The following CABIN1 variants were observed in gnomAD, a reference collection of about 807,000 sequenced individuals.
The protein encoded by CABIN1 is calcineurin-binding protein cabin-1.
CABIN1 carries 133 observed loss-of-function variants against 227.7 expected under a neutral mutation model. That is an observed-to-expected ratio of 0.58 (90% CI 0.51 to 0.67). CABIN1 has a LOEUF of 0.67. Ranked by LOEUF, CABIN1 falls within the 30% of genes least tolerant of loss-of-function variation. The pLI is 0.00. For missense variants in CABIN1, 2,408 were observed against 2,852.5 expected (o/e 0.84, Z 3.55); for synonymous variants, 1,086 against 1,155.1 (o/e 0.94, Z 1.21).
At chr22:24,032,654 T>G (rs993883036) in intron 1 of CABIN1, among the ~76,000 whole-genome samples, 3 of 152,256 alleles carry the variant, frequency 2.0e-5, no homozygotes, top group Non-Finnish European at 4.4e-5. Flanking sequence ...ACTTGTTATT[T>G]TCTGGCTTTA....
At chr22:24,035,327 C>T in intron 1 of CABIN1, 117 bp from the exon 2 acceptor site, 2 of 694,220 alleles carry the variant, frequency 2.9e-6, no homozygotes, top group Admixed American at 2.3e-5. Context: ...CAAGGCAGCT[C>T]TTCACTGGCC....
At chr22:24,083,155 C>G in intron 19 of CABIN1, 73 bp from the exon 20 acceptor site, 1 of 1,513,076 alleles carries the variant, frequency 6.6e-7, no homozygotes, top group Non-Finnish European at 9.2e-7. Context: ...GGTGGTTTCT[C>G]TGGGGCCCTG....
At chr22:24,084,476 C>A in intron 20 of CABIN1, 103 bp from the exon 21 acceptor site, 2 of 950,526 alleles carry the variant, frequency 2.1e-6, no homozygotes, top group Non-Finnish European at 3.5e-6. Context: ...TATGCCATAA[C>A]CTCATTTACA....
chr22:24,062,853 C>T, intron 13 of CABIN1, 106 bp from the exon 14 acceptor site: 1 of 1,078,980 alleles, frequency 9.3e-7, no homozygotes. Context: ...TTAGGGTGCC[C>T]CTGGAGATAG....
At chr22:24,118,813 T>C (rs2043232371) in intron 27 of CABIN1, among the ~76,000 whole-genome samples, 1 of 152,192 alleles carries the variant, frequency 6.6e-6, no homozygotes, top group Non-Finnish European at 1.5e-5. Context: ...CCATGGCCCC[T>C]GGTGGAGCAA....
chr22:24,166,557 G>C, intron 31 of CABIN1, 82 bp from the exon 32 acceptor site: 2 of 1,561,968 alleles, frequency 1.3e-6, no homozygotes, highest in Non-Finnish European at 1.8e-6. Context: ...AGAGGCCCAG[G>C]TTGGGCTCAC....
intron 15 of CABIN1, among the ~76,000 whole-genome samples, chr22:24,065,152 C>T (rs1227892000): frequency 6.6e-6 from 1 of 150,962 alleles, no homozygotes; most frequent in East Asian, 2.0e-4. Flanking sequence ...GGGCTGACCC[C>T]CCACCTCCCT....
At chr22:24,159,208 A>G (rs942266843) in intron 29 of CABIN1, among the ~76,000 whole-genome samples, 16 of 152,140 alleles carry the variant, frequency 1.1e-4, no homozygotes, top group African/African-American at 3.4e-4. Context: ...TGCCTGCACC[A>G]CCCATCTGCT....
intron 18 of CABIN1, 90 bp downstream of exon 18, chr22:24,072,600 A>G: frequency 6.8e-7 from 1 of 1,478,290 alleles, no homozygotes; most frequent in Non-Finnish European, 9.4e-7. Context: ...CCTTATCCAG[A>G]CGTTGTGAGT....
intron 28 of CABIN1, among the ~76,000 whole-genome samples, chr22:24,124,603 A>C (rs990839381): frequency 3.3e-5 from 5 of 151,994 alleles, no homozygotes; most frequent in Non-Finnish European, 5.9e-5. Flanking sequence ...TCTGGATCAC[A>C]ATCTTCACCA....
intron 1 of CABIN1, among the ~76,000 whole-genome samples, chr22:24,026,604 T>A (rs928241173): frequency 1.2e-4 from 19 of 152,206 alleles, no homozygotes; most frequent in Admixed American, 1.3e-4. Flanking sequence ...TTTTTGAATA[T>A]GGATGTTCAG....
chr22:24,093,430 C>G (rs2041681464), intron 24 of CABIN1, among the ~76,000 whole-genome samples: 1 of 152,090 alleles, frequency 6.6e-6, no homozygotes, highest in Non-Finnish European at 1.5e-5. Context: ...GTAGTCCCAA[C>G]TACTTGGGAG....
rs1333469531 is a variant in CABIN1 at position 24,177,783 on chromosome 22, G to A, written c.6485G>A (p.Gly2162Asp). 4.4e-6 allele frequency: 7 copies of A among 1,608,876 alleles called. No homozygotes were observed. Among genetic ancestry groups the A allele is most frequent in the Non-Finnish European group, 5.9e-6 (7 of 1,176,490 alleles). The change falls in exon 36 of 37, where the codon GGC becomes GAC. Residue 2162 changes from glycine (G) to aspartate (D), a missense_variant. Coordinates refer to ENST00000263119, the MANE Select transcript of CABIN1 (RefSeq NM_012295.4). The surrounding 1 kb of genome is among the most constrained non-coding windows in gnomAD (Gnocchi z 4.4). ...ACCCCAACCCTGCTCTCCCCCAAAG[G>A]CAGCATCTCGGAGGAGACCAAGCAG... The part of the protein sequence containing the change: ...PPTPTLLSPK[G>D]SISEETKQKL...
chr22:24,169,195 G>A (rs2046640448), intron 33 of CABIN1, among the ~76,000 whole-genome samples: 1 of 152,092 alleles, frequency 6.6e-6, no homozygotes, highest in African/African-American at 2.4e-5. Context: ...GGCAGGGAGG[G>A]GCAGACATGG....
At chr22:24,062,699 A>C (rs2039286374) in intron 13 of CABIN1, among the ~76,000 whole-genome samples, 2 of 152,112 alleles carry the variant, frequency 1.3e-5, no homozygotes, top group Admixed American at 1.3e-4. Flanking sequence ...GAATGTAGAT[A>C]TACTCAATGC....
intron 29 of CABIN1, among the ~76,000 whole-genome samples, chr22:24,151,722 A>G (rs113965457): frequency 6.6e-6 from 1 of 152,188 alleles, no homozygotes; most frequent in African/African-American, 2.4e-5. Context: ...TCTCTGCCCA[A>G]TCTGTTCCCC....
At chr22:24,095,306 T>G (rs1191640586) in intron 24 of CABIN1, among the ~76,000 whole-genome samples, 1 of 152,224 alleles carries the variant, frequency 6.6e-6, no homozygotes, top group East Asian at 1.9e-4. Flanking sequence ...CCCTGGGCAT[T>G]CCCGGCTGTG....
chr22:24,026,550 T>C (rs1206945228), intron 1 of CABIN1, among the ~76,000 whole-genome samples: 1 of 152,194 alleles, frequency 6.6e-6, no homozygotes, highest in Non-Finnish European at 1.5e-5. Context: ...AGTTATTTTT[T>C]GTATTACATG....
chr22:24,050,987 G>C lies in CABIN1; in HGVS notation c.806+13G>C. On this transcript the variant is annotated intron_variant, in intron 8 of 36. Coordinates refer to ENST00000263119, the MANE Select transcript of CABIN1 (RefSeq NM_012295.4). ...TTCCTTTCTTCACGTAGGTTGTCTA[G>C]CGTCTCTGGGAGTGCTGGGTCGGCC... is the stretch of plus-strand genomic sequence containing the variant. 1.2e-6 allele frequency: 2 copies of C among 1,614,092 alleles called. No homozygotes were observed. The highest frequency in any genetic ancestry group is 4.5e-5 in the East Asian group (2 of 44,892).
Sources: allele counts gnomAD v4.1 joint callset (sites outside exome capture counted in the v4.1 genomes callset), GRCh38; gene constraint gnomAD v4.1.1; non-coding constraint Gnocchi (gnomAD v3.1); transcripts MANE v1.5; gene names NCBI Gene and HGNC (gene_info 2026-07-23, HGNC 2026-07-21).